DTL: variants seen among roughly 807,000 people sequenced by gnomAD.
DTL encodes denticleless E3 ubiquitin protein ligase adapter, also known as denticleless protein homolog.
In DTL, 46 loss-of-function variants were observed where a neutral mutation model predicts 87.0. The observed-to-expected ratio is 0.53, with a 90% CI of 0.42 to 0.68. DTL has a LOEUF of 0.68. DTL is among the 30% of genes least tolerant of loss of function. The pLI, the probability that DTL is intolerant of heterozygous loss-of-function variation, is 0.00. For missense variants in DTL, 737 were observed against 869.4 expected, an observed-to-expected ratio of 0.85 and a Z score of 1.91; for synonymous variants, 308 against 311.2, an observed-to-expected ratio of 0.99 and a Z score of 0.11.
chr1:212,035,969 G>A (rs1029481463), intron 1 of DTL, 27 bp downstream of exon 1: 1 of 1,611,386 alleles, frequency 6.2e-7, no homozygotes, highest in Non-Finnish European at 8.5e-7. Flanking sequence ...ACCGCTGCTC[G>A]GAGCTGGCGG....
chr1:212,051,287 T>G (rs1667962006), intron 5 of DTL, among the ~76,000 whole-genome samples: 1 of 151,830 alleles, frequency 6.6e-6, no homozygotes, highest in African/African-American at 2.4e-5. Context: ...AATGCCATCT[T>G]TTTCCTCTCC....
chr1:212,047,985 A>G (rs1218703326), intron 5 of DTL, among the ~76,000 whole-genome samples: 2 of 152,238 alleles, frequency 1.3e-5, no homozygotes, highest in Non-Finnish European at 2.9e-5. Context: ...GTAAAGATTT[A>G]TAAACAGCTA....
intron 11 of DTL, among the ~76,000 whole-genome samples, chr1:212,072,760 C>CTTTTT (rs368207666): frequency 9.6e-5 from 12 of 124,770 alleles, no homozygotes; most frequent in South Asian, 2.6e-4. Flanking sequence ...ATTTACTAAT[C>CTTTTT]TTTTTTTTTT....
rs1214538583 is a variant in DTL at position 212,104,567 on chromosome 1, G to C, written c.*1627G>C. On this transcript the variant is annotated 3_prime_UTR_variant, in exon 15 of 15. Transcript: ENST00000366991. ...TAACGCTGTTTATCTCACTTGCTTT[G>C]AAAGCCAATGGGGGAAAAAAATCCA... 1 of 151,734 alleles carries C rather than the reference G, an allele frequency of 6.6e-6. No homozygotes were observed. Among genetic ancestry groups the C allele is most frequent in the Non-Finnish European group, 1.5e-5 (1 of 67,942 alleles). The allele number at this position is 151,734 out of a possible 1,614,324, so 9.4% of individuals were successfully genotyped here. A position where few individuals can be genotyped will look rare whatever the true frequency, so the allele number is the denominator to read the frequency against.
chr1:212,044,899 A>G (rs1667765676), intron 3 of DTL, 141 bp downstream of exon 3: 1 of 590,006 alleles, frequency 1.7e-6, no homozygotes, highest in East Asian at 2.9e-5. Flanking sequence ...GTTTATATAG[A>G]AAAAGTTTAC....
In DTL at chr1:212,035,873, G is replaced by C. The variant is rs766824045; in HGVS notation, c.-18G>C. 1 of 1,614,006 alleles carries C rather than the reference G, an allele frequency of 6.2e-7. No individual in the cohort carries two copies. The highest frequency in any genetic ancestry group is 2.2e-5 in the East Asian group (1 of 44,870). On this transcript the variant is annotated 5_prime_UTR_variant, in exon 1 of 15. Coordinates refer to ENST00000366991, the MANE Select transcript of DTL (RefSeq NM_016448.4). ...TTCTACGACTTTTCTCTCAGCTGAG[G>C]CTTTTCCTCCGACCCTGATGCTCTT...
intron 5 of DTL, among the ~76,000 whole-genome samples, chr1:212,055,426 G>C (rs1176166560): frequency 6.6e-6 from 1 of 152,158 alleles, no homozygotes. Flanking sequence ...CTAAGCAGCT[G>C]TAACACTGAT....
rs555447191 is a variant in DTL, at chr1:212,098,674, A to G, written c.1262-1578A>G. 3.9e-5 allele frequency among the ~76,000 whole-genome samples: 6 copies of G among 151,974 alleles called. No homozygotes were observed. In the South Asian group the frequency reaches 1.3e-3, roughly 32 times the overall value. On this transcript the variant is annotated intron_variant, in intron 13 of 14. Transcript: ENST00000366991. ...CTGCCTCTGCTGCTTCATACACATC[A>G]CCAGGGAAATAGGGGAAAGCCGGCA... is the stretch of plus-strand genomic sequence containing the variant.
chr1:212,048,566 A>G (rs1304435806), intron 5 of DTL, among the ~76,000 whole-genome samples: 1 of 152,242 alleles, frequency 6.6e-6, no homozygotes, highest in Admixed American at 6.5e-5. Context: ...GTTATAATGG[A>G]CAAGGAAGAT....
Position 212,103,788 on chromosome 1 carries a change from GTC to G in DTL, c.*849_*850del, listed in dbSNP as rs2102592803. On this transcript the variant is annotated 3_prime_UTR_variant, in exon 15 of 15. Transcript: ENST00000366991. Reference sequence around the variant, plus strand: ...AATTTGGGGTTTGAATTCAGGTGCAGTCATCAGTTCTTTAGGGGCTGCAATGT... The same window carrying G: ...AATTTGGGGTTTGAATTCAGGTGCAGATCAGTTCTTTAGGGGCTGCAATGT... 6.6e-6 allele frequency: 1 copy of G among 152,238 alleles called. No homozygotes were observed. Among genetic ancestry groups the G allele is most frequent in the South Asian group, 2.1e-4 (1 of 4,818 alleles). 9.4% of individuals were successfully genotyped at this position (152,238 alleles called of 1,614,324 possible). A position where few individuals can be genotyped will look rare whatever the true frequency, so the allele number is the denominator to read the frequency against.
At position 212,101,054 on chromosome 1, in the gene DTL, G is replaced by A; in HGVS notation, c.2064G>A (p.Arg688=). 1.2e-6 allele frequency: 2 copies of A among 1,611,800 alleles called. No homozygotes were observed. Among genetic ancestry groups the A allele is most frequent in the Admixed American group, 1.7e-5 (1 of 59,828 alleles). The change falls in exon 14 of 15, where the codon AGG becomes AGA. Residue 688 remains arginine, a synonymous_variant. Coordinates refer to ENST00000366991, the MANE Select transcript of DTL (RefSeq NM_016448.4). The part of the protein sequence containing the change: ...RSPSSQTPNS[R]RQSGKKLPSP... ...CGTCATCCCAGACACCCAATTCCAG[G>A]AGACAGAGCGGAAAGAAATTGCCAA...
chr1:212,044,490 C>T (rs1667750131), intron 2 of DTL, among the ~76,000 whole-genome samples, 170 bp from the exon 3 acceptor site: 1 of 151,820 alleles, frequency 6.6e-6, no homozygotes, highest in Non-Finnish European at 1.5e-5. Context: ...TGTAATCCCA[C>T]CTACTTGGGA....
At chr1:212,063,050 T>C (rs1654380324) in intron 6 of DTL, 101 bp downstream of exon 6, 1 of 866,788 alleles carries the variant, frequency 1.2e-6, no homozygotes, top group Admixed American at 2.0e-5. Context: ...CCAGGGGGCA[T>C]GTACTCATAA....
At chr1:212,061,514 A>G (rs1016912250) in intron 5 of DTL, among the ~76,000 whole-genome samples, 6 of 151,570 alleles carry the variant, frequency 4.0e-5, no homozygotes, top group Admixed American at 2.0e-4. Context: ...AAAAAAAACA[A>G]ATAGAATTAC....
chr1:212,086,012 T>A (rs1655119279), intron 13 of DTL, among the ~76,000 whole-genome samples: 1 of 152,240 alleles, frequency 6.6e-6, no homozygotes, highest in Admixed American at 6.5e-5. Flanking sequence ...TGGTTCTGCA[T>A]TGTCTTCATT....
chr1:212,055,383 GATATC>G (rs1378368794), intron 5 of DTL, among the ~76,000 whole-genome samples: 3 of 152,108 alleles, frequency 2.0e-5, no homozygotes, highest in Non-Finnish European at 2.9e-5. Flanking sequence ...GCTCCAGAGA[GATATC>G]ATACTGGGTC....
At chr1:212,046,988 C>A (rs1667826492) in intron 3 of DTL, among the ~76,000 whole-genome samples, 163 bp from the exon 4 acceptor site, 1 of 152,218 alleles carries the variant, frequency 6.6e-6, no homozygotes, top group Admixed American at 6.5e-5. Flanking sequence ...GCCATTCTGA[C>A]TGACGTGAAA....
chr1:212,086,298 G>C (rs1316750832), intron 13 of DTL, among the ~76,000 whole-genome samples: 1 of 151,752 alleles, frequency 6.6e-6, no homozygotes, highest in Non-Finnish European at 1.5e-5. Context: ...TCTCATTTTA[G>C]AAAATATAAA....
intron 5 of DTL, among the ~76,000 whole-genome samples, chr1:212,058,846 A>G (rs1340043265): frequency 6.6e-6 from 1 of 152,164 alleles, no homozygotes; most frequent in Non-Finnish European, 1.5e-5. Context: ...CAGAAATGAA[A>G]AAGGAAACAT....
Sources: gnomAD v4.1 joint callset for allele counts (sites outside exome capture counted in the v4.1 genomes callset) on GRCh38, gnomAD v4.1.1 for gene constraint, MANE v1.5 for transcripts, NCBI Gene and HGNC (gene_info 2026-07-23, HGNC 2026-07-21) for gene names.